The following GLIS3 variants were observed in gnomAD, a reference collection of about 807,000 sequenced individuals.
The protein encoded by GLIS3 is zinc finger protein GLIS3.
Under a neutral mutation model 78.6 loss-of-function variants are expected in GLIS3, and 53 were observed. That is an observed-to-expected ratio of 0.67 (90% confidence interval 0.54 to 0.85). The LOEUF (loss-of-function observed/expected upper bound fraction) is 0.85. Among genes scored for constraint, GLIS3 ranks in the 40% least tolerant of loss-of-function variants. GLIS3 has a pLI of 0.00. For synonymous variants in GLIS3, 684 were observed against 509.9 expected (o/e 1.34, Z -4.60); for missense variants, 1,703 against 1,231.1 (o/e 1.38, Z -5.74).
At chr9:4,005,499 G>T (rs1163733601) in intron 4 of GLIS3, among the ~76,000 whole-genome samples, 1 of 152,156 alleles carries the variant, frequency 6.6e-6, no homozygotes, top group Non-Finnish European at 1.5e-5. Context: ...TTCAAATTCT[G>T]ATTCTACCAC....
chr9:4,108,598 C>T (rs538183490), intron 4 of GLIS3, among the ~76,000 whole-genome samples: 4 of 152,182 alleles, frequency 2.6e-5, no homozygotes, highest in South Asian at 2.1e-4. Flanking sequence ...GCCACTGGGA[C>T]GAGGGATGTG....
chr9:4,325,588 A>C (rs927625485), intron 2 of GLIS3, among the ~76,000 whole-genome samples: 8 of 152,174 alleles, frequency 5.3e-5, no homozygotes, highest in African/African-American at 1.7e-4. Context: ...AATAACCTCC[A>C]GGATGCCTTT....
At chr9:4,124,164 C>A (rs780219093) in intron 3 of GLIS3, among the ~76,000 whole-genome samples, 26 of 152,106 alleles carry the variant, frequency 1.7e-4, no homozygotes, top group Non-Finnish European at 3.4e-4. Flanking sequence ...CCAAGCAATT[C>A]CCAATTCCTG....
chr9:4,411,478 G>A, the GLIS3 span, among the ~76,000 whole-genome samples: 2 of 152,150 alleles, frequency 1.3e-5, no homozygotes, highest in South Asian at 2.1e-4. Context: ...TGCAAATGTA[G>A]TAAATGCTCA....
intron 2 of GLIS3, among the ~76,000 whole-genome samples, chr9:4,279,314 A>AAAAAAT (rs1425536070): frequency 1.1e-4 from 9 of 82,650 alleles, no homozygotes; most frequent in Admixed American, 1.0e-3. Context: ...AAAAAAAAAA[A>AAAAAAT]ATATATATAT....
chr9:4,282,077 T>TC (rs1827609788), intron 2 of GLIS3, among the ~76,000 whole-genome samples: 1 of 152,212 alleles, frequency 6.6e-6, no homozygotes, highest in Non-Finnish European at 1.5e-5. Context: ...CAAAGATTCT[T>TC]CAGTCTTCAA....
At chr9:4,080,443 A>C (rs1379683691) in intron 4 of GLIS3, among the ~76,000 whole-genome samples, 1 of 152,238 alleles carries the variant, frequency 6.6e-6, no homozygotes, top group East Asian at 1.9e-4. Context: ...AAAAAAATGC[A>C]TGATGAACAA....
At chr9:4,299,305 AAAAC>A (rs1336194271) in intron 1 of GLIS3, 112 bp downstream of exon 1, 1 of 152,184 alleles carries the variant, frequency 6.6e-6, no homozygotes, top group Non-Finnish European at 1.5e-5. Flanking sequence ...CTCAGCGTAG[AAAAC>A]TATTTGTAAT....
chr9:4,151,346 CTA>C (rs780998887), intron 2 of GLIS3, among the ~76,000 whole-genome samples: 106 of 152,294 alleles, frequency 7.0e-4, no homozygotes, highest in Non-Finnish European at 1.3e-3. Context: ...TCTCCTCAAA[CTA>C]TATGTTTTAG....
At chr9:4,257,568 T>TATA (rs1338545928) in intron 2 of GLIS3, among the ~76,000 whole-genome samples, 3 of 50,802 alleles carry the variant, frequency 5.9e-5, no homozygotes, top group Admixed American at 5.8e-4. Context: ...CATGTATATG[T>TATA]TGTTGTTGTT....
intron 8 of GLIS3, among the ~76,000 whole-genome samples, chr9:3,858,479 G>T (rs896445745): frequency 6.6e-6 from 1 of 152,012 alleles, no homozygotes; most frequent in Non-Finnish European, 1.5e-5. Flanking sequence ...GCTATCTCAA[G>T]GACATGAAGG....
Position 4,016,338 on chromosome 9 carries a change from C to T in GLIS3, c.1711-79149G>A, listed in dbSNP as rs185650744. Among the ~76,000 whole-genome samples, 23 of 152,282 alleles carry T rather than the reference C, an allele frequency of 1.5e-4. No individual in the cohort carries two copies. The East Asian group carries it at 3.5e-3, about 23-fold the overall frequency. On this transcript the variant is annotated intron_variant, in intron 4 of 10. Transcript: ENST00000381971. The stretch of plus-strand genomic sequence containing the variant: ...CTGAAATTCCCTTTGTTTCTTAAAA[C>T]GAGCTCCTGGCCAAGCTGTCTTATT...
intron 2 of GLIS3, among the ~76,000 whole-genome samples, chr9:4,268,881 C>A (rs1826249058): frequency 6.6e-6 from 1 of 152,178 alleles, no homozygotes; most frequent in African/African-American, 2.4e-5. Context: ...GATCCTCCAG[C>A]ACTAGGGCAG....
the GLIS3 span, among the ~76,000 whole-genome samples, chr9:4,427,286 C>T: frequency 2.0e-3 from 305 of 152,278 alleles, 2 homozygotes; most frequent in African/African-American, 6.9e-3. Context: ...ATGCCAAGAA[C>T]TCCCCTCTTC....
the GLIS3 span, among the ~76,000 whole-genome samples, chr9:4,414,315 G>C: frequency 2.0e-5 from 3 of 152,216 alleles, no homozygotes; most frequent in African/African-American, 4.8e-5. Flanking sequence ...GTATGGCCCA[G>C]AGGCATTTTT....
intron 2 of GLIS3, among the ~76,000 whole-genome samples, chr9:4,258,994 A>G (rs914548091): frequency 1.3e-5 from 2 of 151,984 alleles, no homozygotes; most frequent in African/African-American, 4.8e-5. Flanking sequence ...AAACCATTTT[A>G]CTCCAGAAAC....
chr9:4,062,007 A>G (rs1428977047), intron 4 of GLIS3, among the ~76,000 whole-genome samples: 1 of 152,156 alleles, frequency 6.6e-6, no homozygotes, highest in African/African-American at 2.4e-5. Context: ...CCTTGTCCTC[A>G]CTTCATTTAC....
chr9:4,487,644 C>G, the GLIS3 span, among the ~76,000 whole-genome samples: 4 of 151,870 alleles, frequency 2.6e-5, no homozygotes, highest in African/African-American at 7.3e-5. Flanking sequence ...TAAATACTGC[C>G]CTATCTACAA....
chr9:4,321,117 T>C (rs777737167), intron 2 of GLIS3, among the ~76,000 whole-genome samples: 14 of 151,370 alleles, frequency 9.2e-5, no homozygotes, highest in Non-Finnish European at 2.1e-4. Context: ...CAGCATGGTC[T>C]CCGCTTTTTT....
Sources: allele counts gnomAD v4.1 joint callset (sites outside exome capture counted in the v4.1 genomes callset), GRCh38; gene constraint gnomAD v4.1.1; transcripts MANE v1.5; gene names NCBI Gene and HGNC (gene_info 2026-07-23, HGNC 2026-07-21).